The following FHIT variants were observed in gnomAD, a reference collection of about 807,000 sequenced individuals.
The protein encoded by FHIT is bis(5'-adenosyl)-triphosphatase.
FHIT carries 19 observed loss-of-function variants against 17.9 expected under a neutral mutation model. The ratio of observed to expected loss-of-function variants is 1.06; its 90% CI spans 0.74 to 1.56. The LOEUF (loss-of-function observed/expected upper bound fraction) is 1.56, where lower values mean the gene tolerates loss of function less well. Among genes scored for constraint, FHIT ranks in the 40% most tolerant of loss-of-function variants. The pLI, the probability that FHIT is intolerant of heterozygous loss-of-function variation, is 0.00. For synonymous variants in FHIT, 81 were observed against 69.7 expected, an observed-to-expected ratio of 1.16 and a Z score of -0.81; for missense variants, 248 against 189.2, an observed-to-expected ratio of 1.31 and a Z score of -1.82.
intron 3 of FHIT, among the ~76,000 whole-genome samples, chr3:60,933,813 A>T (rs1708072097): frequency 6.6e-6 from 1 of 151,896 alleles, no homozygotes; most frequent in Admixed American, 6.6e-5. Flanking sequence ...CTCCCTTTAC[A>T]TTTTCTTTGG....
chr3:59,962,742 T>C (rs972059972), intron 7 of FHIT, among the ~76,000 whole-genome samples: 1 of 152,232 alleles, frequency 6.6e-6, no homozygotes, highest in Admixed American at 6.5e-5. Context: ...AATTTAAATA[T>C]TAAATTCAAA....
At chr3:60,115,647 T>C (rs974472740) in intron 5 of FHIT, among the ~76,000 whole-genome samples, 3 of 152,260 alleles carry the variant, frequency 2.0e-5, no homozygotes, top group Non-Finnish European at 4.4e-5. Context: ...TGTCACAGTT[T>C]TATGTATAAC....
intron 5 of FHIT, among the ~76,000 whole-genome samples, chr3:60,121,980 G>C (rs889224401): frequency 2.6e-5 from 4 of 152,056 alleles, no homozygotes; most frequent in African/African-American, 9.7e-5. Flanking sequence ...TATCAGGCCT[G>C]CTAAGTATAA....
chr3:61,039,371 T>C (rs564704182), intron 3 of FHIT, among the ~76,000 whole-genome samples: 4 of 152,350 alleles, frequency 2.6e-5, no homozygotes, highest in Non-Finnish European at 4.4e-5. Flanking sequence ...GATCTACTTA[T>C]ATACAGAAAG....
chr3:60,476,468 T>C (rs1394185179), intron 5 of FHIT, among the ~76,000 whole-genome samples: 1 of 152,136 alleles, frequency 6.6e-6, no homozygotes, highest in Non-Finnish European at 1.5e-5. Flanking sequence ...TAGGGAGAGC[T>C]CTGGTCATGA....
intron 3 of FHIT, among the ~76,000 whole-genome samples, chr3:60,934,390 A>C (rs568563215): frequency 6.6e-6 from 1 of 152,216 alleles, no homozygotes; most frequent in Non-Finnish European, 1.5e-5. Flanking sequence ...AAAAAGCTGA[A>C]ATAGCTTTAC....
intron 5 of FHIT, among the ~76,000 whole-genome samples, chr3:60,251,255 A>G (rs1705696963): frequency 6.6e-6 from 1 of 152,208 alleles, no homozygotes; most frequent in African/African-American, 2.4e-5. Context: ...TATAGTCCCA[A>G]AAGAAGCTGT....
chr3:61,213,367 T>A (rs534861581), intron 1 of FHIT, among the ~76,000 whole-genome samples: 3 of 152,238 alleles, frequency 2.0e-5, no homozygotes. Flanking sequence ...TACTCTCTGA[T>A]AAAACAGTCT....
At chr3:60,573,264 C>CA (rs1266194450) in intron 4 of FHIT, among the ~76,000 whole-genome samples, 9 of 152,146 alleles carry the variant, frequency 5.9e-5, no homozygotes, top group Non-Finnish European at 1.2e-4. Flanking sequence ...CAAACGTCCC[C>CA]TCTGAGGGTG....
At chr3:60,393,090 G>A (rs1701295458) in intron 5 of FHIT, among the ~76,000 whole-genome samples, 1 of 151,938 alleles carries the variant, frequency 6.6e-6, no homozygotes, top group Non-Finnish European at 1.5e-5. Context: ...GTCCCGATTT[G>A]GCCCCTTCTG....
At position 59,774,157 on chromosome 3, in the gene FHIT, G is replaced by A. The variant is rs921124468; in HGVS notation, c.349-21836C>T. Among the ~76,000 whole-genome samples, 7 of 152,300 alleles carry A rather than the reference G, an allele frequency of 4.6e-5. No individual in the cohort carries two copies. In the South Asian group the frequency reaches 8.3e-4, roughly 18 times the overall value. On this transcript the variant is annotated intron_variant, in intron 8 of 9. Coordinates refer to ENST00000492590, the MANE Select transcript of FHIT (RefSeq NM_002012.4). ...TGATCAAGAACAGGCATTGGCAGACGACAGCCACTGGGTCAAATCTGGCCA... is the reference window on the plus strand; with the variant it reads ...TGATCAAGAACAGGCATTGGCAGACAACAGCCACTGGGTCAAATCTGGCCA...
At chr3:61,204,690 G>C (rs750493119) in intron 1 of FHIT, among the ~76,000 whole-genome samples, 33 of 152,208 alleles carry the variant, frequency 2.2e-4, no homozygotes, top group African/African-American at 7.9e-4. Context: ...TTAAACATAA[G>C]TTTTGAAAAG....
At chr3:60,329,930 G>GA (rs927468585) in intron 5 of FHIT, among the ~76,000 whole-genome samples, 13 of 152,196 alleles carry the variant, frequency 8.5e-5, no homozygotes, top group South Asian at 8.3e-4. Context: ...TCCTGATGTA[G>GA]AAAAAAGACA....
chr3:59,961,155 A>C (rs1337012698), intron 7 of FHIT, among the ~76,000 whole-genome samples: 1 of 152,178 alleles, frequency 6.6e-6, no homozygotes, highest in Non-Finnish European at 1.5e-5. Context: ...AGCTGTTAGG[A>C]ACACTAGCTA....
intron 4 of FHIT, among the ~76,000 whole-genome samples, chr3:60,684,208 TG>T (rs1284433913): frequency 1.2e-4 from 19 of 152,114 alleles, no homozygotes; most frequent in African/African-American, 3.9e-4. Context: ...TTCCATTCCT[TG>T]CCACTTTCAG....
At chr3:60,721,507 C>T (rs893632285) in intron 4 of FHIT, among the ~76,000 whole-genome samples, 1 of 152,062 alleles carries the variant, frequency 6.6e-6, no homozygotes, top group African/African-American at 2.4e-5. Flanking sequence ...GAGCTGATAC[C>T]AAGCCAACAC....
rs2037592882 is a variant in FHIT at position 60,577,052 on chromosome 3, A to G, written c.-17-40073T>C. ...ATCACCTTAAAATAGAGATCTAATT[A>G]TGGAAAAAAATTGTATGCTGTTTTT... On this transcript the variant is annotated intron_variant, in intron 4 of 9. Transcript: ENST00000492590. 2.6e-5 allele frequency among the ~76,000 whole-genome samples: 4 copies of G among 152,116 alleles called. No individual in the cohort carries two copies. The South Asian group carries it at 6.2e-4, about 24-fold the overall frequency.
chr3:61,165,089 C>T (rs961377264), intron 2 of FHIT, among the ~76,000 whole-genome samples: 1 of 152,152 alleles, frequency 6.6e-6, no homozygotes, highest in Non-Finnish European at 1.5e-5. Flanking sequence ...GTGAATAGTG[C>T]TGCATGAACA....
At position 60,978,525 on chromosome 3, in the gene FHIT, T is replaced by G. The variant is rs114413256; in HGVS notation, c.-111+63522A>C. On this transcript the variant is annotated intron_variant, in intron 3 of 9. Transcript: ENST00000492590. ...CAGTAAAGAGAAATAAAGCATGACATAGTCTGAAAAGCACTGGTTCTAGAA... is the reference window on the plus strand; with the variant it reads ...CAGTAAAGAGAAATAAAGCATGACAGAGTCTGAAAAGCACTGGTTCTAGAA... Among the ~76,000 whole-genome samples the G allele has an allele frequency of 1.7e-3, 256 of 152,308 alleles. 1 individual carries two copies. Among genetic ancestry groups the G allele is most frequent in the African/African-American group, 5.9e-3 (245 of 41,566 alleles).
Sources: gnomAD v4.1 joint callset for allele counts (sites outside exome capture counted in the v4.1 genomes callset) on GRCh38, gnomAD v4.1.1 for gene constraint, MANE v1.5 for transcripts, NCBI Gene and HGNC (gene_info 2026-07-23, HGNC 2026-07-21) for gene names.